Variants in CCDC14 observed in about 807,000 individuals in gnomAD.
CCDC14 encodes coiled-coil domain-containing protein 14.
In CCDC14, 71 loss-of-function variants were observed where a neutral mutation model predicts 81.4. That is an observed-to-expected ratio of 0.87 (90% CI 0.72 to 1.06). The LOEUF is 1.06. Ranked by LOEUF, CCDC14 falls within the 50% of genes least tolerant of loss-of-function variation. The probability of loss-of-function intolerance (pLI) is 0.00; values close to 1 mark genes in which losing one functional copy is unlikely to be tolerated. For synonymous variants in CCDC14, 332 were observed against 364.8 expected, an observed-to-expected ratio of 0.91 and a Z score of 1.03; for missense variants, 1,046 against 1,047.3, an observed-to-expected ratio of 1.00 and a Z score of 0.02.
At chr3:123,939,718 C>A (rs1487478284) in intron 9 of CCDC14, among the ~76,000 whole-genome samples, 1 of 151,714 alleles carries the variant, frequency 6.6e-6, no homozygotes, top group Non-Finnish European at 1.5e-5. Context: ...GTCAATTTAA[C>A]AAATATTTGT....
chr3:123,886,645 C>A, the CCDC14 span, among the ~76,000 whole-genome samples: 3 of 152,222 alleles, frequency 2.0e-5, no homozygotes, highest in East Asian at 1.9e-4. Context: ...ATCTGCCCAC[C>A]TCGGCCTCCC....
intron 12 of CCDC14, among the ~76,000 whole-genome samples, chr3:123,921,934 C>A (rs953267576): frequency 6.6e-6 from 1 of 152,204 alleles, no homozygotes; most frequent in Non-Finnish European, 1.5e-5. Context: ...AGTACACATT[C>A]TTCTCTTGTG....
intron 12 of CCDC14, among the ~76,000 whole-genome samples, chr3:123,916,468 T>TGTGTGTGTGTGTGTGTG (rs1559764283): frequency 1.0e-4 from 15 of 146,064 alleles, no homozygotes; most frequent in African/African-American, 3.9e-4. Context: ...ATATATGTGT[T>TGTGTGTGTGTGTGTGTG]TGTGTGTGTG....
At chr3:123,885,478 C>CT in the CCDC14 span, among the ~76,000 whole-genome samples, 98,181 of 146,250 alleles carry the variant, frequency 0.67, 33,449 homozygotes, top group Admixed American at 0.75. Flanking sequence ...TCCCCCCACT[C>CT]TTTTTTTTTT....
At chr3:123,941,161 G>A (rs561298367) in intron 9 of CCDC14, among the ~76,000 whole-genome samples, 23 of 152,056 alleles carry the variant, frequency 1.5e-4, no homozygotes, top group African/African-American at 5.3e-4. Context: ...CTCCCATCCA[G>A]GAAATTTGGA....
chr3:123,903,964 C>A (rs2034243326), intron 5 of CCDC14, among the ~76,000 whole-genome samples: 1 of 152,126 alleles, frequency 6.6e-6, no homozygotes, highest in South Asian at 2.1e-4. Flanking sequence ...TTCTTTGAGG[C>A]CCAGCCTAGA....
intron 7 of CCDC14, among the ~76,000 whole-genome samples, chr3:123,948,002 A>G (rs1186602234): frequency 2.6e-5 from 4 of 152,126 alleles, no homozygotes; most frequent in Admixed American, 2.0e-4. Context: ...AGCAGTATAT[A>G]AGACTGTATT....
chr3:123,950,550 T>C (rs1344812149), intron 5 of CCDC14, among the ~76,000 whole-genome samples: 1 of 152,162 alleles, frequency 6.6e-6, no homozygotes, highest in Non-Finnish European at 1.5e-5. Flanking sequence ...CAGTGTTCAA[T>C]CACATTTATA....
At chr3:123,952,099 C>G (rs1367451212) in intron 5 of CCDC14, among the ~76,000 whole-genome samples, 7 of 152,212 alleles carry the variant, frequency 4.6e-5, no homozygotes, top group Admixed American at 4.6e-4. Context: ...ACGCACTCTA[C>G]ATGAAAATTT....
At chr3:123,919,467 A>C (rs575018698) in intron 12 of CCDC14, among the ~76,000 whole-genome samples, 3 of 152,290 alleles carry the variant, frequency 2.0e-5, no homozygotes, top group East Asian at 3.9e-4. Flanking sequence ...ATTAGATTCT[A>C]AACAGCAGTA....
At chr3:123,889,424 G>A in the CCDC14 span, among the ~76,000 whole-genome samples, 3 of 152,056 alleles carry the variant, frequency 2.0e-5, no homozygotes, top group African/African-American at 7.2e-5. Context: ...ATAAAAAAAA[G>A]GGAGAAATTG....
At chr3:123,918,188 T>C (rs1477188525) in intron 12 of CCDC14, among the ~76,000 whole-genome samples, 1 of 152,222 alleles carries the variant, frequency 6.6e-6, no homozygotes, top group South Asian at 2.1e-4. Context: ...TCTCTGTATA[T>C]AGGATAAATT....
At position 123,947,299 on chromosome 3, in the gene CCDC14, G is replaced by A; in HGVS notation, c.705C>T (p.Asn235=). The change falls in exon 8 of 13, where the codon AAC becomes AAT. Residue 235 remains asparagine, a synonymous_variant. Transcript: ENST00000409697. ...TTTTACCTTGTGATGCAAACTGACT[G>A]TTGCCATCAGTTTGAACTTCCTAAA... The part of the protein sequence containing the change: ...KVHSEVQTDG[N]SQFASQGKTV... The A allele has an allele frequency of 6.2e-7, 1 of 1,609,452 alleles. No homozygotes were observed. Among genetic ancestry groups the A allele is most frequent in the Non-Finnish European group, 8.5e-7 (1 of 1,176,706 alleles).
chr3:123,956,136 TAGA>T (rs1478454842), intron 3 of CCDC14, 21 bp from the exon 4 acceptor site: 2 of 1,527,592 alleles, frequency 1.3e-6, no homozygotes, highest in South Asian at 2.6e-5. Flanking sequence ...TAAAGTCATT[TAGA>T]ATACATTTGT....
In CCDC14 at chr3:123,956,436, C is replaced by CGACATGTCATCCAGCCCA; in HGVS notation, c.87-10_87-9insTGGGCTGGATGACATGTC. 6.6e-7 allele frequency: 1 copy of CGACATGTCATCCAGCCCA among 1,526,422 alleles called. No homozygotes were observed. The highest frequency in any genetic ancestry group is 8.9e-7 in the Non-Finnish European group (1 of 1,128,586). 94.6% of individuals were successfully genotyped at this position (1,526,422 alleles called of 1,614,324 possible). A position where few individuals can be genotyped will look rare whatever the true frequency, so the allele number is the denominator to read the frequency against. On this transcript the variant is annotated splice_polypyrimidine_tract_variant and intron_variant, in intron 2 of 12. Transcript: ENST00000409697. ...TTTTTCTTAAATAGGTCCTGGAAAA[C>CGACATGTCATCCAGCCCA]AAGCTTATTAATATTCTTACAAATA...
intron 12 of CCDC14, among the ~76,000 whole-genome samples, chr3:123,919,232 T>G (rs959447323): frequency 2.6e-5 from 4 of 152,214 alleles, no homozygotes; most frequent in African/African-American, 9.6e-5. Flanking sequence ...GAGGCAAAAC[T>G]GCATCCTTAC....
intron 7 of CCDC14, among the ~76,000 whole-genome samples, chr3:123,947,974 AAAGTATT>A (rs1391468772): frequency 6.6e-6 from 1 of 152,166 alleles, no homozygotes; most frequent in Non-Finnish European, 1.5e-5. Context: ...TGTTTTTAAT[AAAGTATT>A]AAGTGAAAGC....
downstream of CCDC14, among the ~76,000 whole-genome samples, chr3:123,895,081 T>C (rs1404850007): frequency 6.6e-6 from 1 of 152,208 alleles, no homozygotes; most frequent in Admixed American, 6.5e-5. Flanking sequence ...TTAGGCCTCT[T>C]GAAACAATGT....
At chr3:123,947,369 G>A (rs745420494) in intron 7 of CCDC14, 50 bp from the exon 8 acceptor site, 20 of 1,357,192 alleles carry the variant, frequency 1.5e-5, no homozygotes, top group South Asian at 4.3e-5. Context: ...CTCATTTGTA[G>A]GTATTAATTA....
Sources: allele counts gnomAD v4.1 joint callset (sites outside exome capture counted in the v4.1 genomes callset), GRCh38; gene constraint gnomAD v4.1.1; transcripts MANE v1.5; gene names NCBI Gene and HGNC (gene_info 2026-07-23, HGNC 2026-07-21).